SGIP1: variants seen among roughly 807,000 people sequenced by gnomAD.
SGIP1 encodes SH3-containing GRB2-like protein 3-interacting protein 1.
Under a neutral mutation model 107.5 loss-of-function variants are expected in SGIP1, and 38 were observed. That is an observed-to-expected ratio of 0.35 (90% CI 0.27 to 0.46). The LOEUF is 0.46. SGIP1 is among the 20% of genes least tolerant of loss of function. SGIP1 has a pLI of 1.00. For missense variants in SGIP1, 929 were observed against 1,019.5 expected, an observed-to-expected ratio of 0.91 and a Z score of 1.21; for synonymous variants, 365 against 366.1, an observed-to-expected ratio of 1.00 and a Z score of 0.03.
At chr1:66,609,736 A>G (rs921999559) in intron 1 of SGIP1, among the ~76,000 whole-genome samples, 4 of 152,220 alleles carry the variant, frequency 2.6e-5, no homozygotes, top group Non-Finnish European at 5.9e-5. Context: ...GAGGAGAAAT[A>G]TCTGGGCCAA....
intron 12 of SGIP1, among the ~76,000 whole-genome samples, chr1:66,675,539 T>TTTTTTA (rs1468834301): frequency 9.2e-6 from 1 of 108,830 alleles, no homozygotes; most frequent in Non-Finnish European, 1.9e-5. Context: ...TTCTTTTTCT[T>TTTTTTA]TCTTTTTTTT....
At chr1:66,628,125 A>G (rs1212723287) in intron 2 of SGIP1, among the ~76,000 whole-genome samples, 1 of 151,934 alleles carries the variant, frequency 6.6e-6, no homozygotes, top group Non-Finnish European at 1.5e-5. Context: ...TATGTGCCAC[A>G]TTTTCTTAAT....
intron 1 of SGIP1, among the ~76,000 whole-genome samples, chr1:66,595,089 G>A (rs1335986763): frequency 6.6e-6 from 1 of 152,130 alleles, no homozygotes; most frequent in African/African-American, 2.4e-5. Flanking sequence ...TTTACTGGGA[G>A]CTCCTCACCT....
At chr1:66,670,285 A>T (rs1304551116) in intron 9 of SGIP1, among the ~76,000 whole-genome samples, 4 of 152,264 alleles carry the variant, frequency 2.6e-5, no homozygotes, top group African/African-American at 9.6e-5. Context: ...CTAAGGCATT[A>T]TAAAAACTGG....
At chr1:66,548,643 G>A (rs188333283) in intron 1 of SGIP1, among the ~76,000 whole-genome samples, 179 of 152,110 alleles carry the variant, frequency 1.2e-3, no homozygotes, top group African/African-American at 3.2e-3. Flanking sequence ...TTATCATTTC[G>A]TCACTGAGGC....
rs765466486 is a variant in SGIP1, at chr1:66,681,957, C to G, written c.903C>G (p.Pro301=). ...LDSIFGPVLS[P]KSVAVNAEEK... ...GCATTTTTGGGCCAGTATTGTCCCC[C>G]AAGTCTGTTGCTGTTAATGCTGAAG... The change falls in exon 15 of 25, where the codon CCC becomes CCG. Residue 301 remains proline (P), a synonymous_variant. Coordinates refer to ENST00000371037, the MANE Select transcript of SGIP1 (RefSeq NM_032291.4). 2 of 1,614,234 alleles carry G rather than the reference C, an allele frequency of 1.2e-6. No individual in the cohort carries two copies. The highest frequency in any genetic ancestry group is 1.7e-6 in the Non-Finnish European group (2 of 1,180,042).
At chr1:66,686,362 G>A (rs1454828781) in intron 15 of SGIP1, among the ~76,000 whole-genome samples, 1 of 152,150 alleles carries the variant, frequency 6.6e-6, no homozygotes, top group African/African-American at 2.4e-5. Context: ...GTCAATCGTT[G>A]CCAACCTTTT....
At chr1:66,635,459 T>C (rs892157038) in intron 3 of SGIP1, among the ~76,000 whole-genome samples, 4 of 152,232 alleles carry the variant, frequency 2.6e-5, no homozygotes, top group African/African-American at 9.6e-5. Context: ...TTTATCACCC[T>C]GAACAGGTGT....
intron 1 of SGIP1, among the ~76,000 whole-genome samples, chr1:66,550,955 A>G (rs138457716): frequency 2.0e-5 from 3 of 152,270 alleles, no homozygotes; most frequent in African/African-American, 4.8e-5. Context: ...TAAACTTACT[A>G]TATTCCCATA....
rs780507075 is a variant in SGIP1, at chr1:66,733,748, T to G, written c.1899T>G (p.Cys633Trp). 3.7e-6 allele frequency: 6 copies of G among 1,612,242 alleles called. No homozygotes were observed. The South Asian group carries it at 5.5e-5, about 15-fold the overall frequency. ...ATCATTTTTCTTCCCAAATGAACAG[T>G]GATAATACACAAAATGATGCCAATA... ...HVLPNPQLLC[C>W]DNTQNDANTK... The change falls in exon 21 of 25, where the codon TGT (cysteine) becomes TGG (tryptophan). Residue 633 changes from cysteine (C) to tryptophan (W), a missense_variant and splice_region_variant. By Grantham distance (215) the Cys-to-Trp change is radical. This residue lies in a region of SGIP1 where 341 missense variants were observed against 430.9 expected (regional missense o/e 0.79). Coordinates refer to ENST00000371037, the MANE Select transcript of SGIP1 (RefSeq NM_032291.4).
At chr1:66,575,125 C>T (rs1261771844) in intron 1 of SGIP1, among the ~76,000 whole-genome samples, 1 of 152,262 alleles carries the variant, frequency 6.6e-6, no homozygotes, top group East Asian at 1.9e-4. Flanking sequence ...GTCCTGATCA[C>T]ATGGTGTATA....
chr1:66,657,296 T>C (rs2079985705), intron 7 of SGIP1, among the ~76,000 whole-genome samples: 1 of 152,176 alleles, frequency 6.6e-6, no homozygotes, highest in South Asian at 2.1e-4. Context: ...GACTTTTATG[T>C]CTTGATCCCA....
intron 1 of SGIP1, among the ~76,000 whole-genome samples, chr1:66,588,010 A>G (rs1387882664): frequency 6.6e-6 from 1 of 152,172 alleles, no homozygotes; most frequent in African/African-American, 2.4e-5. Context: ...AAGGGCAACA[A>G]CAACAAAATC....
At position 66,671,979 on chromosome 1, in the gene SGIP1, A is replaced by C; in HGVS notation, c.544A>C (p.Thr182Pro). ...GGCAAGACCCAGGCGTTCCACACCA[A>C]CTCCAGAACTTATAAGGTGAGTGTG... ...EVARPRRSTP[T>P]PELISKKPPD... Residue 182 changes from threonine (T) to proline (P), a missense_variant, in exon 11 of 25, where the codon ACT becomes CCT. Around this residue, in one of 2 missense-constraint regions of SGIP1, gnomAD observed 588 missense variants for 588.6 expected, o/e 1.00. Coordinates refer to ENST00000371037, the MANE Select transcript of SGIP1 (RefSeq NM_032291.4). The C allele has an allele frequency of 6.2e-7, 1 of 1,613,958 alleles. No individual in the cohort carries two copies. Among genetic ancestry groups the C allele is most frequent in the South Asian group, 1.1e-5 (1 of 91,062 alleles).
intron 7 of SGIP1, among the ~76,000 whole-genome samples, chr1:66,654,099 G>A (rs2079247051): frequency 6.6e-6 from 1 of 152,234 alleles, no homozygotes; most frequent in South Asian, 2.1e-4. Context: ...GATTGTCTGG[G>A]TGGATGGATG....
chr1:66,679,592 A>G, intron 13 of SGIP1, 86 bp from the exon 14 acceptor site: 1 of 1,398,274 alleles, frequency 7.2e-7, no homozygotes, highest in South Asian at 1.3e-5. Context: ...AATATAACTG[A>G]AAGCCCAAAT....
chr1:66,670,954 T>C (rs760404039), intron 9 of SGIP1, 41 bp from the exon 10 acceptor site: 1 of 1,031,220 alleles, frequency 9.7e-7, no homozygotes, highest in African/African-American at 1.6e-5. Flanking sequence ...ACATAACATA[T>C]ATGTGGTCTT....
intron 17 of SGIP1, chr1:66,690,555 T>A (rs764003598): frequency 1.9e-6 from 1 of 514,288 alleles, no homozygotes; most frequent in Non-Finnish European, 3.4e-6. Context: ...TTTCTTATGC[T>A]GTTCCATACA....
At position 66,741,238 on chromosome 1, in the gene SGIP1, G is replaced by A. The variant is rs2094438001; in HGVS notation, c.2300-34G>A. On this transcript the variant is annotated intron_variant, in intron 23 of 24. Coordinates refer to ENST00000371037, the MANE Select transcript of SGIP1 (RefSeq NM_032291.4). The stretch of plus-strand genomic sequence containing the variant: ...AAAATTATATCCGAAATATTATGTT[G>A]ACTGTTACCTTGTAATAATGTGTTT... 10 of 1,527,448 alleles carry A rather than the reference G, an allele frequency of 6.5e-6. No homozygotes were observed. The Admixed American group carries it at 1.3e-4, about 20-fold the overall frequency. The allele number at this position is 1,527,448 out of a possible 1,614,324, so 94.6% of individuals were successfully genotyped here. A position where few individuals can be genotyped will look rare whatever the true frequency, so the allele number is the denominator to read the frequency against.
Sources: gnomAD v4.1 joint callset for allele counts (sites outside exome capture counted in the v4.1 genomes callset) on GRCh38, gnomAD v4.1.1 for gene constraint, gnomAD v4.1.1 regional missense constraint, MANE v1.5 for transcripts, NCBI Gene and HGNC (gene_info 2026-07-23, HGNC 2026-07-21) for gene names.